IGFL2: variants seen among roughly 807,000 people sequenced by gnomAD.
IGFL2 encodes the protein IGF like family member 2, also known as insulin growth factor-like family member 2.
A neutral mutation model predicts 13.9 loss-of-function variants in IGFL2; 7 were observed. The ratio of observed to expected loss-of-function variants is 0.51; its 90% CI spans 0.29 to 0.95. The LOEUF (loss-of-function observed/expected upper bound fraction) is 0.95. IGFL2 is among the 40% of genes least tolerant of loss of function. The pLI is 0.08. For missense variants in IGFL2, 138 were observed against 147.8 expected (o/e 0.93, Z 0.34); for synonymous variants, 55 against 55.8 (o/e 0.99, Z 0.07).
the IGFL2 span, among the ~76,000 whole-genome samples, chr19:46,112,434 G>T: frequency 6.6e-6 from 1 of 152,156 alleles, no homozygotes; most frequent in African/African-American, 2.4e-5. Context: ...TTCTAGGAAG[G>T]TCCCTCCTTC....
the IGFL2 span, among the ~76,000 whole-genome samples, chr19:46,129,383 G>A: frequency 6.9e-6 from 1 of 145,818 alleles, no homozygotes; most frequent in Non-Finnish European, 1.5e-5. Context: ...TTTTGATTTT[G>A]ATTATTTCTT....
the IGFL2 span, among the ~76,000 whole-genome samples, chr19:46,089,317 CTTT>C: frequency 6.6e-6 from 1 of 152,234 alleles, no homozygotes; most frequent in Admixed American, 6.5e-5. Flanking sequence ...TCATTTACAT[CTTT>C]TTATGTCGCA....
intron 1 of IGFL2, among the ~76,000 whole-genome samples, chr19:46,157,357 T>G (rs1478731951): frequency 1.3e-5 from 2 of 152,080 alleles, no homozygotes; most frequent in Non-Finnish European, 2.9e-5. Flanking sequence ...TAGACCAATA[T>G]CCTTCATGCA....
At chr19:46,127,934 A>G in the IGFL2 span, among the ~76,000 whole-genome samples, 2 of 152,130 alleles carry the variant, frequency 1.3e-5, no homozygotes, top group Non-Finnish European at 2.9e-5. Flanking sequence ...ATTTTTAACA[A>G]TATTGATTCT....
chr19:46,140,063 C>G (rs554291916), upstream of IGFL2, among the ~76,000 whole-genome samples: 1 of 152,158 alleles, frequency 6.6e-6, no homozygotes, highest in South Asian at 2.1e-4. Context: ...GATTCTCCTG[C>G]CTCAGCCTCC....
At chr19:46,173,376 C>T in the IGFL2 span, among the ~76,000 whole-genome samples, 262 of 152,308 alleles carry the variant, frequency 1.7e-3, no homozygotes, top group Non-Finnish European at 2.9e-3. Context: ...AAGCAGACTA[C>T]CTCTGTTGGT....
the IGFL2 span, among the ~76,000 whole-genome samples, chr19:46,114,738 T>C: frequency 6.6e-6 from 1 of 152,212 alleles, no homozygotes; most frequent in Non-Finnish European, 1.5e-5. Context: ...GCCATGATTT[T>C]AAATTTCCAG....
At chr19:46,101,786 G>A in the IGFL2 span, among the ~76,000 whole-genome samples, 1 of 152,260 alleles carries the variant, frequency 6.6e-6, no homozygotes, top group Non-Finnish European at 1.5e-5. Context: ...GTGCAGCTCT[G>A]TGGTTGGGAC....
the IGFL2 span, among the ~76,000 whole-genome samples, chr19:46,087,628 C>T: frequency 1.6e-4 from 25 of 152,218 alleles, no homozygotes; most frequent in African/African-American, 5.8e-4. Context: ...GTGGGAGCAG[C>T]GTTAGGCAGG....
the IGFL2 span, among the ~76,000 whole-genome samples, chr19:46,094,658 A>G: frequency 6.6e-6 from 1 of 151,922 alleles, no homozygotes; most frequent in Non-Finnish European, 1.5e-5. Context: ...TGCGTTAGCT[A>G]TTTATCCTGA....
the IGFL2 span, among the ~76,000 whole-genome samples, chr19:46,092,492 C>T: frequency 3.3e-5 from 5 of 151,932 alleles, no homozygotes; most frequent in African/African-American, 4.8e-5. Context: ...ATTAGCTGGG[C>T]TTGGTGATGT....
the IGFL2 span, among the ~76,000 whole-genome samples, chr19:46,110,668 C>T: frequency 6.6e-6 from 1 of 152,058 alleles, no homozygotes; most frequent in Admixed American, 6.6e-5. Context: ...AAAAGTTGTT[C>T]AATGTTTACT....
the IGFL2 span, chr19:46,113,451 T>C: frequency 1.8e-5 from 7 of 391,134 alleles, no homozygotes; most frequent in Non-Finnish European, 3.6e-5. Flanking sequence ...CACGTAGATA[T>C]CCAGGATTAC....
At chr19:46,133,819 T>C in the IGFL2 span, among the ~76,000 whole-genome samples, 1 of 152,184 alleles carries the variant, frequency 6.6e-6, no homozygotes, top group Non-Finnish European at 1.5e-5. Flanking sequence ...AGCCCCTAAA[T>C]AATACATTAC....
At chr19:46,093,598 C>T in the IGFL2 span, among the ~76,000 whole-genome samples, 2 of 152,170 alleles carry the variant, frequency 1.3e-5, no homozygotes, top group African/African-American at 4.8e-5. Flanking sequence ...AAGTGATGAA[C>T]TGTCTATTTA....
intron 1 of IGFL2, among the ~76,000 whole-genome samples, chr19:46,156,609 C>A (rs534664083): frequency 3.3e-5 from 5 of 151,968 alleles, no homozygotes; most frequent in Admixed American, 3.3e-4. Flanking sequence ...AATGAAAATA[C>A]AATATATCAA....
the IGFL2 span, among the ~76,000 whole-genome samples, chr19:46,106,342 G>T: frequency 7.2e-5 from 11 of 152,250 alleles, no homozygotes; most frequent in African/African-American, 2.2e-4. Flanking sequence ...TTTGAATAAG[G>T]TGAGAAGCAG....
At chr19:46,202,414 T>G in the IGFL2 span, 2 of 152,110 alleles carry the variant, frequency 1.3e-5, no homozygotes, top group African/African-American at 4.8e-5. Flanking sequence ...GGTTTTAAGT[T>G]TTTTAGAACA....
downstream of IGFL2, among the ~76,000 whole-genome samples, chr19:46,165,501 C>T (rs1974357032): frequency 6.6e-6 from 1 of 152,192 alleles, no homozygotes; most frequent in African/African-American, 2.4e-5. Context: ...TGCATGCTTG[C>T]ACAGAGGAGC....
Sources: allele counts gnomAD v4.1 joint callset (sites outside exome capture counted in the v4.1 genomes callset), GRCh38; gene constraint gnomAD v4.1.1; transcripts MANE v1.5; gene names NCBI Gene and HGNC (gene_info 2026-07-23, HGNC 2026-07-21).